The following PELO variants were observed in gnomAD, a reference collection of about 807,000 sequenced individuals.
The protein encoded by PELO is pelota mRNA surveillance and ribosome rescue factor.
PELO carries 19 observed loss-of-function variants against 25.9 expected under a neutral mutation model. The ratio of observed to expected loss-of-function variants is 0.73; its 90% confidence interval spans 0.51 to 1.08. The LOEUF (loss-of-function observed/expected upper bound fraction) is 1.08. Among genes scored for constraint, PELO ranks in the 50% least tolerant of loss-of-function variants. PELO has a pLI of 0.00. For missense variants in PELO, 498 were observed against 491.4 expected, an observed-to-expected ratio of 1.01 and a Z score of -0.13; for synonymous variants, 196 against 192.2, an observed-to-expected ratio of 1.02 and a Z score of -0.16.
rs1310131642 is a variant in PELO at position 52,802,507 on chromosome 5, T to C, written c.*667T>C. ...TTAGAGGGTAACTTAAATCAGTTAT[T>C]TTTAGCTTTTTAGAACTTTGATCTG... On this transcript the variant is annotated 3_prime_UTR_variant, in exon 3 of 3. Transcript: ENST00000274311. 7 of 152,134 alleles carry C rather than the reference T, an allele frequency of 4.6e-5. No homozygotes were observed. The highest frequency in any genetic ancestry group is 2.6e-4 in the Admixed American group (4 of 15,270). The allele number at this position is 152,134 out of a possible 1,614,324, so 9.4% of individuals were successfully genotyped here. A position where few individuals can be genotyped will look rare whatever the true frequency, so the allele number is the denominator to read the frequency against.
chr5:52,798,103 G>T (rs1748379230), intron 1 of PELO, among the ~76,000 whole-genome samples: 1 of 152,054 alleles, frequency 6.6e-6, no homozygotes, highest in East Asian at 1.9e-4. Flanking sequence ...AAGTTAACAA[G>T]ATACTTTTTT....
intron 1 of PELO, among the ~76,000 whole-genome samples, chr5:52,797,550 C>A (rs1462578495): frequency 6.6e-6 from 1 of 151,616 alleles, no homozygotes; most frequent in East Asian, 1.9e-4. Context: ...CCTTTCAAAT[C>A]CTCTAGGTTG....
At chr5:52,791,777 GA>G (rs1367812360) in intron 1 of PELO, among the ~76,000 whole-genome samples, 6 of 151,508 alleles carry the variant, frequency 4.0e-5, no homozygotes, top group African/African-American at 7.3e-5. Context: ...AAAAAGAAAA[GA>G]AAAAATTAAA....
At position 52,800,350 on chromosome 5, in the gene PELO, C is replaced by A; in HGVS notation, c.-45C>A. 2.5e-6 allele frequency: 4 copies of A among 1,609,482 alleles called. No individual in the cohort carries two copies. The highest frequency in any genetic ancestry group is 3.4e-6 in the Non-Finnish European group (4 of 1,178,212). On this transcript the variant is annotated 5_prime_UTR_variant, in exon 2 of 3. Coordinates refer to ENST00000274311, the MANE Select transcript of PELO (RefSeq NM_015946.5). Reference sequence around the variant, plus strand: ...CCCTCTCCCGGGGCGGAGGTGAGGACCTCCTTGGTTCCTTTGGTTCTGTCA... The same window carrying A: ...CCCTCTCCCGGGGCGGAGGTGAGGAACTCCTTGGTTCCTTTGGTTCTGTCA...
intron 1 of PELO, among the ~76,000 whole-genome samples, chr5:52,792,022 TGG>T (rs1748252134): frequency 6.6e-6 from 1 of 152,226 alleles, no homozygotes; most frequent in African/African-American, 2.4e-5. Context: ...CTAAAATACT[TGG>T]ATAAAGACCT....
In PELO at chr5:52,801,792, T is replaced by TC; in HGVS notation, c.1113dup (p.Glu372ArgfsTer4). 1 of 1,613,584 alleles carries TC rather than the reference T, an allele frequency of 6.2e-7. No individual in the cohort carries two copies. Among genetic ancestry groups the TC allele is most frequent in the Non-Finnish European group, 8.5e-7 (1 of 1,179,636 alleles). ...TAGCTGCCATTCTCCGCTTCCCTGTTCCCGAACTTTCTGACCAAGAGGGTG... is the reference window on the plus strand; with the variant it reads ...TAGCTGCCATTCTCCGCTTCCCTGTTCCCCGAACTTTCTGACCAAGAGGGTG... On this transcript the variant is annotated frameshift_variant, in exon 3 of 3. Coordinates refer to ENST00000274311, the MANE Select transcript of PELO (RefSeq NM_015946.5). LOFTEE classifies it high-confidence loss of function.
At chr5:52,797,881 A>G (rs78157464) in intron 1 of PELO, among the ~76,000 whole-genome samples, 2,357 of 152,328 alleles carry the variant, frequency 0.015, 66 homozygotes, top group African/African-American at 0.054. Context: ...CTCTTCAATA[A>G]AAACCTTTTG....
At position 52,801,461 on chromosome 5, in the gene PELO, C is replaced by G. The variant is rs769363762; in HGVS notation, c.779C>G (p.Pro260Arg). Residue 260 changes from proline to arginine, a missense_variant, in exon 3 of 3, where the codon CCT (proline) becomes CGT (arginine). By Grantham distance (103) the Pro-to-Arg change is moderately radical. Coordinates refer to ENST00000274311, the MANE Select transcript of PELO (RefSeq NM_015946.5). ...KYSLKEALCD[P>R]TVASRLSDTK... The stretch of plus-strand genomic sequence containing the variant: ...TCCCTGAAAGAGGCCCTTTGTGACC[C>G]TACTGTGGCTAGCCGCCTTTCAGAC... The G allele has an allele frequency of 2.5e-6, 4 of 1,614,012 alleles. No homozygotes were observed. The South Asian group carries it at 4.4e-5, about 18-fold the overall frequency.
At chr5:52,792,039 A>G (rs1294131843) in intron 1 of PELO, among the ~76,000 whole-genome samples, 1 of 152,230 alleles carries the variant, frequency 6.6e-6, no homozygotes, top group Non-Finnish European at 1.5e-5. Context: ...AGACCTAATT[A>G]ATGATACAAG....
rs148212245 is a variant in PELO at position 52,800,466 on chromosome 5, G to C, written c.72G>C (p.Glu24Asp). The C allele has an allele frequency of 6.2e-7, 1 of 1,614,104 alleles. No individual in the cohort carries two copies. The highest frequency in any genetic ancestry group is 1.1e-5 in the South Asian group (1 of 91,084). Residue 24 changes from glutamate (E) to aspartate (D), a missense_variant, in exon 2 of 3, where the codon GAG (glutamate) becomes GAC (aspartate). Physicochemically the swap from Glu to Asp is conservative, Grantham distance 45 (BLOSUM62 2). Coordinates refer to ENST00000274311, the MANE Select transcript of PELO (RefSeq NM_015946.5). Reference protein sequence around the residue: ...GQVTLVPEEPEDMWHTYNLVQ... With the variant: ...GQVTLVPEEPDDMWHTYNLVQ... ...TGACCCTGGTCCCCGAGGAGCCTGA[G>C]GACATGTGGCACACTTACAACCTCG... is the stretch of plus-strand genomic sequence containing the variant.
At chr5:52,796,850 A>C (rs1748352212) in intron 1 of PELO, among the ~76,000 whole-genome samples, 1 of 152,134 alleles carries the variant, frequency 6.6e-6, no homozygotes, top group South Asian at 2.1e-4. Flanking sequence ...TGGACTTTAA[A>C]GATAGGCAGC....
In PELO at chr5:52,800,243, T is replaced by G. The variant is rs1748435431; in HGVS notation, c.-152T>G. Reference sequence around the variant, plus strand: ...GAAGTGCTGCCCTAGGCTGCATGAGTCGAAGCAAGCGTGTTTCCTTCCCGC... The same window carrying G: ...GAAGTGCTGCCCTAGGCTGCATGAGGCGAAGCAAGCGTGTTTCCTTCCCGC... On this transcript the variant is annotated 5_prime_UTR_variant, in exon 2 of 3. Transcript: ENST00000274311. 1 of 715,308 alleles carries G rather than the reference T, an allele frequency of 1.4e-6. No homozygotes were observed. Among genetic ancestry groups the G allele is most frequent in the Non-Finnish European group, 2.3e-6 (1 of 428,356 alleles). The allele number at this position is 715,308 out of a possible 1,614,324, so 44.3% of individuals were successfully genotyped here.
intron 1 of PELO, among the ~76,000 whole-genome samples, chr5:52,793,991 A>G (rs1423274119): frequency 6.6e-6 from 1 of 152,074 alleles, no homozygotes; most frequent in Non-Finnish European, 1.5e-5. Flanking sequence ...CCTATGATTT[A>G]AAAGGAAGAT....
chr5:52,791,544 A>G (rs2111640489), intron 1 of PELO, among the ~76,000 whole-genome samples: 1 of 152,358 alleles, frequency 6.6e-6, no homozygotes, highest in Non-Finnish European at 1.5e-5. Flanking sequence ...CCATCCCCAA[A>G]TGGCAAGATC....
rs1375614689 is a variant in PELO at position 52,803,323 on chromosome 5, C to T, written c.*1483C>T. 8 of 151,842 alleles carry T rather than the reference C, an allele frequency of 5.3e-5. No individual in the cohort carries two copies. Among genetic ancestry groups the T allele is most frequent in the African/African-American group, 1.5e-4 (6 of 41,350 alleles). 9.4% of individuals were successfully genotyped at this position (151,842 alleles called of 1,614,324 possible). On this transcript the variant is annotated 3_prime_UTR_variant, in exon 3 of 3. Transcript: ENST00000274311. ...TGAGATTGTCATTTCATTATAATTC[C>T]GTGAGTATCTTTAAATTACTATCAA...
At position 52,800,786 on chromosome 5, in the gene PELO, CAG is replaced by C. The variant is rs776373330; in HGVS notation, c.393_394del (p.Ala132LeufsTer4). The C allele has an allele frequency of 4.3e-6, 7 of 1,613,616 alleles. No individual in the cohort carries two copies. The South Asian group carries it at 7.7e-5, about 18-fold the overall frequency. ...GAGCGCATCGAGCAGGCCTGTGACC[CAG>C]CCTGGAGCGCTGATGTGGCGGCTGT... On this transcript the variant is annotated frameshift_variant, in exon 2 of 3. Transcript: ENST00000274311. LOFTEE classifies it high-confidence loss of function.
Position 52,800,047 on chromosome 5 carries a change from A to C in PELO, c.-348A>C. 3.3e-6 allele frequency: 1 copy of C among 305,828 alleles called. No homozygotes were observed. Among genetic ancestry groups the C allele is most frequent in the African/African-American group, 2.2e-5 (1 of 45,828 alleles). 18.9% of individuals were successfully genotyped at this position (305,828 alleles called of 1,614,324 possible). ...CTGCGGCCCCGCCTCTCCTTTGGGG[A>C]CGGGAGACGTGCGTCGGGTCGCGGG... On this transcript the variant is annotated 5_prime_UTR_variant, in exon 2 of 3. Transcript: ENST00000274311.
At chr5:52,788,657 A>G (rs991011644) in intron 1 of PELO, among the ~76,000 whole-genome samples, 1 of 152,236 alleles carries the variant, frequency 6.6e-6, no homozygotes, top group African/African-American at 2.4e-5. Context: ...GGCAGCACTG[A>G]AAACCTTAGA....
At position 52,788,092 on chromosome 5, in the gene PELO, T is replaced by G; in HGVS notation, c.-833T>G. On this transcript the variant is annotated 5_prime_UTR_variant, in exon 1 of 3. Transcript: ENST00000274311. ...CGGACAGAGCCTGGGAAGCTGCCAGTGAGATTTCAGAGACCAAGAGCGCGA... is the reference window on the plus strand; with the variant it reads ...CGGACAGAGCCTGGGAAGCTGCCAGGGAGATTTCAGAGACCAAGAGCGCGA... The G allele has an allele frequency of 2.4e-6, 1 of 410,060 alleles. No homozygotes were observed. Among genetic ancestry groups the G allele is most frequent in the Non-Finnish European group, 4.3e-6 (1 of 230,022 alleles). The allele number at this position is 410,060 out of a possible 1,614,324, so 25.4% of individuals were successfully genotyped here.
Sources: allele counts gnomAD v4.1 joint callset (sites outside exome capture counted in the v4.1 genomes callset), GRCh38; gene constraint gnomAD v4.1.1; transcripts MANE v1.5; gene names NCBI Gene and HGNC (gene_info 2026-07-23, HGNC 2026-07-21).